TMEM178B: variants seen among roughly 807,000 people sequenced by gnomAD.
TMEM178B encodes the protein transmembrane protein 178B.
In TMEM178B, 5 loss-of-function variants were observed where a neutral mutation model predicts 31.0. The ratio of observed to expected loss-of-function variants is 0.16; its 90% CI spans 0.08 to 0.34. TMEM178B has a LOEUF of 0.34. Among genes scored for constraint, TMEM178B ranks in the 10% least tolerant of loss-of-function variants. The pLI, the probability that TMEM178B is intolerant of heterozygous loss-of-function variation, is 1.00. For synonymous variants in TMEM178B, 164 were observed against 164.0 expected, an observed-to-expected ratio of 1.00 and a Z score of 0.00; for missense variants, 275 against 400.3, an observed-to-expected ratio of 0.69 and a Z score of 2.67.
At chr7:141,464,103 G>GT (rs1802108560) in intron 3 of TMEM178B, among the ~76,000 whole-genome samples, 1 of 152,166 alleles carries the variant, frequency 6.6e-6, no homozygotes, top group Non-Finnish European at 1.5e-5. Flanking sequence ...TAGAGGCATA[G>GT]TAAGTGTTGT....
At chr7:141,324,421 T>G (rs981206288) in intron 2 of TMEM178B, among the ~76,000 whole-genome samples, 2 of 47,102 alleles carry the variant, frequency 4.2e-5, no homozygotes, top group South Asian at 1.1e-3. Context: ...CCAGGGTTTT[T>G]TTTTTTTTTT....
At chr7:141,282,776 G>A (rs1563140529) in intron 2 of TMEM178B, among the ~76,000 whole-genome samples, 1 of 152,188 alleles carries the variant, frequency 6.6e-6, no homozygotes, top group Non-Finnish European at 1.5e-5. Flanking sequence ...TTCAGCAAAT[G>A]AACACTTGAA....
At position 141,475,515 on chromosome 7, in the gene TMEM178B, C is replaced by G. The variant is rs1373333803; in HGVS notation, c.*4729C>G. The G allele has an allele frequency of 6.6e-6, 1 of 152,154 alleles. No individual in the cohort carries two copies. The highest frequency in any genetic ancestry group is 1.9e-4 in the East Asian group (1 of 5,186). 9.4% of individuals were successfully genotyped at this position (152,154 alleles called of 1,614,324 possible). The stretch of plus-strand genomic sequence containing the variant: ...CACTCTGAGGCATCTACCGCGGGCC[C>G]AATCCAAATGGTCATGACCTCAAAA... On this transcript the variant is annotated 3_prime_UTR_variant, in exon 4 of 4. Transcript: ENST00000565468.
chr7:141,303,783 G>A (rs1167038880), intron 2 of TMEM178B, among the ~76,000 whole-genome samples: 1 of 152,214 alleles, frequency 6.6e-6, no homozygotes, highest in Non-Finnish European at 1.5e-5. Context: ...GGAAAAAGGA[G>A]CAAAGCATAT....
chr7:141,257,029 G>C (rs1001944734), intron 2 of TMEM178B, among the ~76,000 whole-genome samples: 11 of 152,152 alleles, frequency 7.2e-5, no homozygotes. Flanking sequence ...GAAGCGTACA[G>C]ATGAGAGCAG....
intron 2 of TMEM178B, among the ~76,000 whole-genome samples, chr7:141,266,576 A>G (rs1046232748): frequency 1.3e-5 from 2 of 152,132 alleles, no homozygotes; most frequent in Admixed American, 6.5e-5. Flanking sequence ...TTTTGGCTTA[A>G]GGAAGTCTGT....
chr7:141,460,162 G>A (rs539779672), intron 3 of TMEM178B, among the ~76,000 whole-genome samples: 81 of 152,282 alleles, frequency 5.3e-4, no homozygotes, highest in African/African-American at 1.9e-3. Flanking sequence ...CCACAGATCA[G>A]GTGGCTAAAA....
At chr7:141,324,439 T>G (rs1181862201) in intron 2 of TMEM178B, among the ~76,000 whole-genome samples, 4 of 126,046 alleles carry the variant, frequency 3.2e-5, no homozygotes, top group South Asian at 2.9e-4. Context: ...TTTTTTTTTT[T>G]TTTTTTTTTT....
chr7:141,146,907 C>A (rs1384214186), intron 1 of TMEM178B, among the ~76,000 whole-genome samples: 1 of 152,200 alleles, frequency 6.6e-6, no homozygotes, highest in Admixed American at 6.5e-5. Flanking sequence ...TGGGAAGGCG[C>A]TTGCAGCTGG....
intron 3 of TMEM178B, among the ~76,000 whole-genome samples, chr7:141,467,852 C>T (rs1016931107): frequency 4.6e-5 from 7 of 151,646 alleles, no homozygotes; most frequent in Non-Finnish European, 1.0e-4. Context: ...ATTACTAGGA[C>T]GAAGGTATGA....
chr7:141,502,330 C>T, the TMEM178B span, among the ~76,000 whole-genome samples: 9 of 136,266 alleles, frequency 6.6e-5, no homozygotes, highest in Non-Finnish European at 1.2e-4. Context: ...GGATGGTGTC[C>T]ATAGAACAGA....
At chr7:141,445,349 G>A (rs558197674) in intron 3 of TMEM178B, among the ~76,000 whole-genome samples, 12 of 152,282 alleles carry the variant, frequency 7.9e-5, no homozygotes, top group African/African-American at 2.9e-4. Flanking sequence ...CAAGGCAATG[G>A]CCATCTTGCC....
intron 1 of TMEM178B, among the ~76,000 whole-genome samples, chr7:141,106,913 T>C (rs983670664): frequency 6.6e-6 from 1 of 152,156 alleles, no homozygotes; most frequent in Admixed American, 6.5e-5. Context: ...AGCCTAGTAT[T>C]CCAATGGGGA....
chr7:141,246,882 C>T (rs1797739844), intron 2 of TMEM178B, among the ~76,000 whole-genome samples: 1 of 152,166 alleles, frequency 6.6e-6, no homozygotes, highest in South Asian at 2.1e-4. Flanking sequence ...CCACCCCCAG[C>T]ACTCTTTTCC....
At chr7:141,489,510 T>G in the TMEM178B span, among the ~76,000 whole-genome samples, 1 of 152,192 alleles carries the variant, frequency 6.6e-6, no homozygotes, top group East Asian at 1.9e-4. Context: ...GTTATTGTAT[T>G]GTGACCTCTT....
the TMEM178B span, among the ~76,000 whole-genome samples, chr7:141,488,673 C>T: frequency 1.3e-5 from 2 of 151,956 alleles, no homozygotes; most frequent in African/African-American, 2.4e-5. Flanking sequence ...CTCTTGAGCT[C>T]GTGATCTGCC....
intron 1 of TMEM178B, among the ~76,000 whole-genome samples, chr7:141,160,663 C>T (rs187534706): frequency 6.2e-4 from 94 of 152,178 alleles, no homozygotes; most frequent in African/African-American, 1.8e-3. Context: ...CTATTGAGAG[C>T]GGGCACATGG....
At chr7:141,450,305 T>C (rs1801840459) in intron 3 of TMEM178B, among the ~76,000 whole-genome samples, 1 of 152,232 alleles carries the variant, frequency 6.6e-6, no homozygotes, top group African/African-American at 2.4e-5. Context: ...TTGTTATTCA[T>C]GAAGTGGGCA....
intron 2 of TMEM178B, among the ~76,000 whole-genome samples, chr7:141,258,532 A>G (rs577846040): frequency 1.2e-4 from 19 of 152,304 alleles, no homozygotes; most frequent in Admixed American, 7.2e-4. Flanking sequence ...CTAGTCATTT[A>G]TATTTACCTT....
Sources: gnomAD v4.1 joint callset for allele counts (sites outside exome capture counted in the v4.1 genomes callset) on GRCh38, gnomAD v4.1.1 for gene constraint, MANE v1.5 for transcripts, NCBI Gene and HGNC (gene_info 2026-07-23, HGNC 2026-07-21) for gene names.